FBXL5: variants seen among roughly 807,000 people sequenced by gnomAD.
The protein encoded by FBXL5 is F-box/LRR-repeat protein 5.
Under a neutral mutation model 78.3 loss-of-function variants are expected in FBXL5, and 26 were observed. The ratio of observed to expected loss-of-function variants is 0.33; its 90% confidence interval spans 0.24 to 0.46. FBXL5 has a LOEUF of 0.46. Ranked by LOEUF, FBXL5 falls within the 20% of genes least tolerant of loss-of-function variation. The pLI, the probability that FBXL5 is intolerant of heterozygous loss-of-function variation, is 1.00. For synonymous variants in FBXL5, 295 were observed against 282.5 expected (o/e 1.04, Z -0.45); for missense variants, 710 against 829.2 (o/e 0.86, Z 1.77).
chr4:15,644,644 G>GT lies in FBXL5; in HGVS notation c.148dup (p.Thr50AsnfsTer9). The GT allele has an allele frequency of 6.2e-7, 1 of 1,614,080 alleles. No individual in the cohort carries two copies. Among genetic ancestry groups the GT allele is most frequent in the African/African-American group, 1.3e-5 (1 of 75,016 alleles). ...CTCATGCATTTTGAACTCCTTGAAA[G>GT]TAGCATACAAAGACTGCAGAAGAGC... On this transcript the variant is annotated frameshift_variant, in exon 2 of 11. Transcript: ENST00000341285. LOFTEE classifies it high-confidence loss of function.
At chr4:15,663,168 TAC>T (rs1309680567), upstream of FBXL5, among the ~76,000 whole-genome samples, 1 of 152,206 alleles carries the variant, frequency 6.6e-6, no homozygotes, top group Non-Finnish European at 1.5e-5. Context: ...CCTTTATATA[TAC>T]CATAATATTT....
rs1038972057 is a variant in FBXL5 at position 15,638,451 on chromosome 4, G to A, written c.583+57C>T. The A allele has an allele frequency of 4.6e-6, 6 of 1,311,992 alleles. No homozygotes were observed. The African/African-American group carries it at 9.0e-5, about 20-fold the overall frequency. 81.3% of individuals were successfully genotyped at this position (1,311,992 alleles called of 1,614,324 possible). A position where few individuals can be genotyped will look rare whatever the true frequency, so the allele number is the denominator to read the frequency against. On this transcript the variant is annotated intron_variant, in intron 4 of 10. Transcript: ENST00000341285. ...CAACCAAAATCTACAGTTCATATCA[G>A]TAAGATGTCAATGACCTTACAACTA...
At chr4:15,632,012 T>A (rs531614705) in intron 5 of FBXL5, among the ~76,000 whole-genome samples, 4 of 152,350 alleles carry the variant, frequency 2.6e-5, no homozygotes, top group Admixed American at 6.5e-5. Flanking sequence ...CTGAATGGTA[T>A]TGCCTAGGTT....
At chr4:15,628,364 A>G (rs1031698762) in intron 6 of FBXL5, among the ~76,000 whole-genome samples, 2 of 152,194 alleles carry the variant, frequency 1.3e-5, no homozygotes, top group African/African-American at 4.8e-5. Flanking sequence ...ATAATGAATC[A>G]AGCAAAGGAA....
chr4:15,668,549 T>C (rs1717639769), intron 1 of FBXL5, among the ~76,000 whole-genome samples: 1 of 152,088 alleles, frequency 6.6e-6, no homozygotes. Flanking sequence ...GCCAACATCG[T>C]ACAAGTCACA....
In FBXL5 at chr4:15,625,772, A is replaced by G; in HGVS notation, c.1330T>C (p.Tyr444His). 6.2e-7 allele frequency: 1 copy of G among 1,614,182 alleles called. No homozygotes were observed. The highest frequency in any genetic ancestry group is 1.1e-5 in the South Asian group (1 of 91,082). ...KDITMQSTKQ[Y>H]ACLHDLTNKG... ...TTAGTTAAATCGTGCAAACAGGCATACTGCTTGGTGGACTGCATGGTAATG... is the reference window on the plus strand; with the variant it reads ...TTAGTTAAATCGTGCAAACAGGCATGCTGCTTGGTGGACTGCATGGTAATG... Residue 444 changes from tyrosine (Y) to histidine (H), a missense_variant, in exon 9 of 11, where the codon TAT becomes CAT. Transcript: ENST00000341285.
chr4:15,629,855 TAAGC>T (rs1713440892), intron 6 of FBXL5, among the ~76,000 whole-genome samples: 1 of 152,190 alleles, frequency 6.6e-6, no homozygotes, highest in Non-Finnish European at 1.5e-5. Context: ...CAAATTACTT[TAAGC>T]AAGTAACTTT....
At chr4:15,639,067 G>A (rs1701089954) in intron 3 of FBXL5, among the ~76,000 whole-genome samples, 1 of 152,200 alleles carries the variant, frequency 6.6e-6, no homozygotes, top group Non-Finnish European at 1.5e-5. Flanking sequence ...GAGAGACTGA[G>A]GCAGGAGAAT....
chr4:15,617,809 T>C (rs1712062566), intron 9 of FBXL5, among the ~76,000 whole-genome samples: 1 of 152,100 alleles, frequency 6.6e-6, no homozygotes, highest in Non-Finnish European at 1.5e-5. Flanking sequence ...GCCTGTCAAA[T>C]GGCGGTGGGT....
chr4:15,632,169 G>A (rs1283702428), intron 5 of FBXL5, among the ~76,000 whole-genome samples: 1 of 152,132 alleles, frequency 6.6e-6, no homozygotes, highest in Non-Finnish European at 1.5e-5. Context: ...TTATTACATA[G>A]GGAATCCTTT....
At chr4:15,617,161 C>A (rs904107562) in intron 9 of FBXL5, among the ~76,000 whole-genome samples, 3 of 152,170 alleles carry the variant, frequency 2.0e-5, no homozygotes, top group Non-Finnish European at 2.9e-5. Context: ...AAGACATATG[C>A]ATGCCTATTT....
chr4:15,663,886 T>A (rs1449360806), upstream of FBXL5, among the ~76,000 whole-genome samples: 1 of 152,224 alleles, frequency 6.6e-6, no homozygotes, highest in African/African-American at 2.4e-5. Flanking sequence ...CCCTGGCTAA[T>A]ATAATGACAG....
rs1306334006 is a variant in FBXL5, at chr4:15,644,550, A to T, written c.243T>A (p.Ser81=). The change falls in exon 2 of 11, where the codon TCT becomes TCA. Residue 81 remains serine, a synonymous_variant. Coordinates refer to ENST00000341285, the MANE Select transcript of FBXL5 (RefSeq NM_012161.4). The part of the protein sequence containing the change: ...QRSQTIYNVH[S]DNKLSEMLSL... ...TAAGCATCTCGGAGAGTTTATTGTC[A>T]GAATGTACATTATAAATGGTCTGGC... 6.2e-7 allele frequency: 1 copy of T among 1,614,122 alleles called. No individual in the cohort carries two copies. The highest frequency in any genetic ancestry group is 8.5e-7 in the Non-Finnish European group (1 of 1,179,982).
intron 9 of FBXL5, among the ~76,000 whole-genome samples, chr4:15,613,474 G>C (rs1031119499): frequency 6.6e-6 from 1 of 152,036 alleles, no homozygotes; most frequent in African/African-American, 2.4e-5. Flanking sequence ...TAAATCTCTA[G>C]GAAGGCCAGA....
chr4:15,676,356 T>C (rs888469278), intron 1 of FBXL5, among the ~76,000 whole-genome samples: 11 of 152,226 alleles, frequency 7.2e-5, no homozygotes, highest in Middle Eastern at 3.4e-3. Flanking sequence ...GGTTGAAAGA[T>C]TGTATGAGGA....
chr4:15,606,529 A>T (rs893341051), intron 10 of FBXL5, among the ~76,000 whole-genome samples: 10 of 152,218 alleles, frequency 6.6e-5, no homozygotes, highest in Admixed American at 2.6e-4. Flanking sequence ...GAATTAGAAA[A>T]TATCAAAGAA....
chr4:15,649,578 C>CAAAAAAAA (rs34238482), intron 1 of FBXL5, among the ~76,000 whole-genome samples: 7 of 81,278 alleles, frequency 8.6e-5, no homozygotes, highest in African/African-American at 1.8e-4. Flanking sequence ...GACTACGTCT[C>CAAAAAAAA]AAAAAAAAAA....
Position 15,625,272 on chromosome 4 carries a change from C to T in FBXL5, c.1830G>A (p.Gln610=), listed in dbSNP as rs148527270. The change falls in exon 9 of 11, where the codon CAG becomes CAA. Residue 610 remains glutamine (Q), a synonymous_variant. Transcript: ENST00000341285. ...CTCACCTGAGACCATGGTCTGTGAT[C>T]TGATAACATCCAGATAAACTGAGAA... The part of the protein sequence containing the change: ...LLFLSLSGCY[Q]ITDHGLRVLT... 3 of 1,611,800 alleles carry T rather than the reference C, an allele frequency of 1.9e-6. No homozygotes were observed. The highest frequency in any genetic ancestry group is 2.5e-6 in the Non-Finnish European group (3 of 1,178,792).
intron 3 of FBXL5, 138 bp downstream of exon 3, chr4:15,640,650 T>G: frequency 4.5e-6 from 2 of 441,802 alleles, no homozygotes. Flanking sequence ...TGGGTTTTCT[T>G]TTTTCCCAAA....
Sources: allele counts gnomAD v4.1 joint callset (sites outside exome capture counted in the v4.1 genomes callset), GRCh38; gene constraint gnomAD v4.1.1; transcripts MANE v1.5; gene names NCBI Gene and HGNC (gene_info 2026-07-23, HGNC 2026-07-21).